Variants in COLEC11 observed in about 807,000 individuals in gnomAD.
COLEC11 encodes collectin-11.
In COLEC11, 20 loss-of-function variants were observed where a neutral mutation model predicts 27.3. The observed-to-expected ratio is 0.73, with a 90% CI of 0.51 to 1.06. The LOEUF (loss-of-function observed/expected upper bound fraction) is 1.06, where lower values mean the gene tolerates loss of function less well. Ranked by LOEUF, COLEC11 falls within the 50% of genes least tolerant of loss-of-function variation. COLEC11 has a pLI of 0.00. For missense variants in COLEC11, 310 were observed against 383.0 expected, an observed-to-expected ratio of 0.81 and a Z score of 1.59; for synonymous variants, 163 against 154.7, an observed-to-expected ratio of 1.05 and a Z score of -0.40.
At chr2:3,634,140 C>T (rs1665214821) in intron 3 of COLEC11, among the ~76,000 whole-genome samples, 1 of 152,162 alleles carries the variant, frequency 6.6e-6, no homozygotes, top group Non-Finnish European at 1.5e-5. Context: ...ACAGTTCCAT[C>T]CACTGCAGGA....
intron 3 of COLEC11, among the ~76,000 whole-genome samples, chr2:3,631,565 GT>G (rs1166439560): frequency 6.6e-6 from 1 of 152,202 alleles, no homozygotes; most frequent in Non-Finnish European, 1.5e-5. Context: ...CAAGCTATGG[GT>G]TTAGGGCAGA....
Position 3,636,334 on chromosome 2 carries a change from A to G in COLEC11, c.203-1199A>G, listed in dbSNP as rs141272509. 1.1e-4 allele frequency among the ~76,000 whole-genome samples: 16 copies of G among 152,340 alleles called. No homozygotes were observed. The East Asian group carries it at 2.9e-3, about 28-fold the overall frequency. On this transcript the variant is annotated intron_variant, in intron 3 of 6. Transcript: ENST00000349077. ...GCCTGGCGTGGTGGCGGATGCCTGT[A>G]GTCCCAGCTACTCGGGAGGCTGAGG...
chr2:3,623,646 G>C (rs1664328014), intron 3 of COLEC11, among the ~76,000 whole-genome samples: 1 of 150,640 alleles, frequency 6.6e-6, no homozygotes, highest in South Asian at 2.1e-4. Context: ...GTTTCTGTTT[G>C]GTTCTTTTTT....
chr2:3,611,347 T>A (rs142934123), intron 2 of COLEC11, among the ~76,000 whole-genome samples: 1,750 of 152,324 alleles, frequency 0.011, 30 homozygotes, highest in African/African-American at 0.04. Context: ...TCTGCTCGGC[T>A]CTTTCCGCTG....
chr2:3,619,293 A>C, intron 3 of COLEC11, among the ~76,000 whole-genome samples: 1 of 150,230 alleles, frequency 6.7e-6, no homozygotes, highest in African/African-American at 2.5e-5. Context: ...TCTGGCTAGG[A>C]CTTCCAGCAC....
At chr2:3,625,665 C>A (rs1664500476) in intron 3 of COLEC11, among the ~76,000 whole-genome samples, 1 of 122,346 alleles carries the variant, frequency 8.2e-6, no homozygotes, top group Admixed American at 9.9e-5. Flanking sequence ...CTCACTCTCG[C>A]TCTGTTGTCA....
chr2:3,643,822 G>A lies in COLEC11; in HGVS notation c.520G>A (p.Gly174Arg), dbSNP rs776958693. ...CGCCCAGCTGTCCTGCCAGGGCCGCGGGGGCACGCTGAGCATGCCCAAGGA... is the reference window on the plus strand; with the variant it reads ...CGCCCAGCTGTCCTGCCAGGGCCGCAGGGGCACGCTGAGCATGCCCAAGGA... The part of the protein sequence containing the change: ...ADAQLSCQGR[G>R]GTLSMPKDEA... The change falls in exon 7 of 7, where the codon GGG becomes AGG. Residue 174 changes from glycine to arginine, a missense_variant. Coordinates refer to ENST00000349077, the MANE Select transcript of COLEC11 (RefSeq NM_024027.5). The A allele has an allele frequency of 3.7e-6, 6 of 1,613,476 alleles. No homozygotes were observed. The highest frequency in any genetic ancestry group is 5.1e-6 in the Non-Finnish European group (6 of 1,179,962).
chr2:3,598,784 G>A (rs1264282046), intron 1 of COLEC11, among the ~76,000 whole-genome samples: 2 of 152,166 alleles, frequency 1.3e-5, no homozygotes, highest in Non-Finnish European at 2.9e-5. Context: ...GGCTGCAGGC[G>A]GAGTGCCCAG....
chr2:3,625,123 C>G (rs1259995253), intron 3 of COLEC11, among the ~76,000 whole-genome samples: 1 of 152,208 alleles, frequency 6.6e-6, no homozygotes, highest in Non-Finnish European at 1.5e-5. Context: ...GTTTGCTGAT[C>G]CAAGGCGGCA....
chr2:3,611,353 C>T (rs934776041), intron 2 of COLEC11, among the ~76,000 whole-genome samples: 4 of 152,218 alleles, frequency 2.6e-5, no homozygotes, highest in Non-Finnish European at 5.9e-5. Flanking sequence ...CGGCTCTTTC[C>T]GCTGCAGTGT....
At chr2:3,637,404 T>G (rs574480889) in intron 3 of COLEC11, 129 bp from the exon 4 acceptor site, 18 of 750,952 alleles carry the variant, frequency 2.4e-5, no homozygotes, top group African/African-American at 6.8e-5. Context: ...AGAGCTGTCT[T>G]TCTTAGTCTC....
chr2:3,616,293 G>C (rs1663723482), intron 3 of COLEC11, among the ~76,000 whole-genome samples: 2 of 150,398 alleles, frequency 1.3e-5, no homozygotes, highest in Non-Finnish European at 2.9e-5. Flanking sequence ...CCGGGCAGAG[G>C]GGCTCCTCAC....
intron 2 of COLEC11, among the ~76,000 whole-genome samples, chr2:3,611,081 C>G (rs529409737): frequency 6.6e-6 from 1 of 152,204 alleles, no homozygotes; most frequent in Non-Finnish European, 1.5e-5. Flanking sequence ...ACTGGGAAAT[C>G]GCAGCTACTA....
rs934314084 is a variant in COLEC11, at chr2:3,602,540, G to A, written c.-26-1775G>A. 6.6e-6 allele frequency among the ~76,000 whole-genome samples: 1 copy of A among 152,120 alleles called. No individual in the cohort carries two copies. Among genetic ancestry groups the A allele is most frequent in the African/African-American group, 2.4e-5 (1 of 41,418 alleles). ...TGTCATCACCTCCACCCACACGTGG[G>A]GTCCAGCTGCCATCCTCGCCCGCTG... On this transcript the variant is annotated intron_variant, in intron 1 of 6. Coordinates refer to ENST00000349077, the MANE Select transcript of COLEC11 (RefSeq NM_024027.5). The surrounding 1 kb of genome is among the most constrained non-coding windows in gnomAD (Gnocchi z 6.2).
At chr2:3,632,633 G>A (rs11123560) in intron 3 of COLEC11, among the ~76,000 whole-genome samples, 19,882 of 152,218 alleles carry the variant, frequency 0.13, 1,502 homozygotes, top group East Asian at 0.32. Context: ...GGGCTCCATC[G>A]TCAGAATTTT....
chr2:3,621,626 T>TCTTGCTGTTTTC (rs1438612904), intron 3 of COLEC11, among the ~76,000 whole-genome samples: 2 of 152,210 alleles, frequency 1.3e-5, no homozygotes, highest in African/African-American at 2.4e-5. Context: ...CTTCTTCCTC[T>TCTTGCTGTTTTC]CTTGCTGTTT....
intron 3 of COLEC11, among the ~76,000 whole-genome samples, chr2:3,627,067 C>T (rs1664609983): frequency 6.6e-6 from 1 of 152,160 alleles, no homozygotes; most frequent in Admixed American, 6.5e-5. Flanking sequence ...AGCGGGGGCA[C>T]AGTGGCAGTT....
chr2:3,595,362 T>A (rs1435769198), intron 1 of COLEC11, among the ~76,000 whole-genome samples, 194 bp downstream of exon 1: 2 of 152,234 alleles, frequency 1.3e-5, no homozygotes, highest in African/African-American at 4.8e-5. Context: ...GTTTGATTAG[T>A]TCATGGCGGA....
intron 5 of COLEC11, 76 bp downstream of exon 5, chr2:3,640,407 A>G (rs1665757346): frequency 2.4e-6 from 2 of 832,230 alleles, no homozygotes; most frequent in Non-Finnish European, 4.1e-6. Flanking sequence ...GTAGATCTAC[A>G]CCATGTAGAT....
Sources: gnomAD v4.1 joint callset for allele counts (sites outside exome capture counted in the v4.1 genomes callset) on GRCh38, gnomAD v4.1.1 for gene constraint, Gnocchi (gnomAD v3.1) non-coding constraint, MANE v1.5 for transcripts, NCBI Gene and HGNC (gene_info 2026-07-23, HGNC 2026-07-21) for gene names.